Variants in INVS observed in about 807,000 individuals in gnomAD.
The protein encoded by INVS is inversin.
Under a neutral mutation model 108.8 loss-of-function variants are expected in INVS, and 86 were observed. That is an observed-to-expected ratio of 0.79 (90% confidence interval 0.66 to 0.95). The LOEUF is 0.95. INVS is among the 40% of genes least tolerant of loss of function. The probability of loss-of-function intolerance (pLI) is 0.00; values close to 1 mark genes in which losing one functional copy is unlikely to be tolerated. For synonymous variants in INVS, 455 were observed against 473.5 expected (o/e 0.96, Z 0.51); for missense variants, 1,169 against 1,297.4 (o/e 0.90, Z 1.52).
intron 12 of INVS, among the ~76,000 whole-genome samples, chr9:100,273,307 C>A (rs904582747): frequency 1.3e-5 from 2 of 151,902 alleles, no homozygotes; most frequent in African/African-American, 4.8e-5. Flanking sequence ...CTAGACTAGT[C>A]CCAATGTTTC....
intron 12 of INVS, among the ~76,000 whole-genome samples, chr9:100,280,318 C>T (rs1302065675): frequency 6.6e-6 from 1 of 152,200 alleles, no homozygotes; most frequent in Admixed American, 6.5e-5. Flanking sequence ...CCCTGTGGAG[C>T]ACAGGACCTG....
chr9:100,138,027 G>A (rs1828285885), intron 3 of INVS, among the ~76,000 whole-genome samples: 1 of 152,144 alleles, frequency 6.6e-6, no homozygotes. Flanking sequence ...TGTGTATAAA[G>A]TGCTTTATTT....
intron 3 of INVS, among the ~76,000 whole-genome samples, chr9:100,138,902 C>T (rs761155082): frequency 6.6e-6 from 1 of 151,816 alleles, no homozygotes; most frequent in African/African-American, 2.4e-5. Flanking sequence ...AGATGGGTTT[C>T]ACCATGTTGG....
intron 3 of INVS, among the ~76,000 whole-genome samples, chr9:100,223,731 G>A (rs1831220114): frequency 6.6e-6 from 1 of 152,238 alleles, no homozygotes; most frequent in Non-Finnish European, 1.5e-5. Context: ...ATCCAGCAGA[G>A]TCCGTTGGCT....
intron 3 of INVS, among the ~76,000 whole-genome samples, chr9:100,143,862 A>C (rs754177046): frequency 2.0e-5 from 3 of 152,084 alleles, no homozygotes; most frequent in Non-Finnish European, 4.4e-5. Context: ...TCGATTAAGA[A>C]GGGGACGGAC....
chr9:100,287,408 A>C (rs192544632), intron 13 of INVS, among the ~76,000 whole-genome samples: 187 of 152,360 alleles, frequency 1.2e-3, no homozygotes, highest in Non-Finnish European at 2.2e-3. Context: ...GTGCATACTA[A>C]GATGGGAGGA....
At chr9:100,104,650 G>A (rs1386534273) in intron 2 of INVS, 23 bp downstream of exon 2, 1 of 1,523,580 alleles carries the variant, frequency 6.6e-7, no homozygotes. Flanking sequence ...CTTAAGTACA[G>A]AAACTTTAAA....
intron 3 of INVS, among the ~76,000 whole-genome samples, chr9:100,180,249 C>T (rs1263294961): frequency 6.6e-6 from 1 of 150,970 alleles, no homozygotes; most frequent in African/African-American, 2.4e-5. Context: ...CAAGAGCAAA[C>T]AAATTCAGAA....
chr9:100,203,541 C>G (rs1283177145), intron 3 of INVS, among the ~76,000 whole-genome samples: 1 of 129,894 alleles, frequency 7.7e-6, no homozygotes, highest in Non-Finnish European at 1.6e-5. Flanking sequence ...CTCACTCTAT[C>G]ATCTAGGCTG....
At position 100,253,034 on chromosome 9, in the gene INVS, T is replaced by C; in HGVS notation, c.1362T>C (p.Tyr454=). Reference sequence around the variant, plus strand: ...AGATCAATCCAAATGTCCAGGATTATGCAGGAAGAACCCCTTTGCAGTGTG... The same window carrying C: ...AGATCAATCCAAATGTCCAGGATTACGCAGGAAGAACCCCTTTGCAGTGTG... ...ENKINPNVQD[Y]AGRTPLQCAA... Residue 454 remains tyrosine (Y), a synonymous_variant, in exon 10 of 17, where the codon TAT becomes TAC. Coordinates refer to ENST00000262457, the MANE Select transcript of INVS (RefSeq NM_014425.5). 6.2e-7 allele frequency: 1 copy of C among 1,614,040 alleles called. No individual in the cohort carries two copies. The highest frequency in any genetic ancestry group is 8.5e-7 in the Non-Finnish European group (1 of 1,179,912).
intron 10 of INVS, among the ~76,000 whole-genome samples, chr9:100,259,486 GTCT>G (rs1193701174): frequency 1.3e-5 from 2 of 151,322 alleles, no homozygotes; most frequent in East Asian, 1.9e-4. Flanking sequence ...GAAATCACCC[GTCT>G]TCTTCATCAC....
At chr9:100,251,801 A>AG (rs1832247743) in intron 8 of INVS, among the ~76,000 whole-genome samples, 1 of 152,228 alleles carries the variant, frequency 6.6e-6, no homozygotes, top group Non-Finnish European at 1.5e-5. Context: ...GGGGTACTTC[A>AG]GCCAACTGAA....
chr9:100,275,725 T>C (rs749966211), intron 12 of INVS, among the ~76,000 whole-genome samples: 1 of 152,224 alleles, frequency 6.6e-6, no homozygotes, highest in Non-Finnish European at 1.5e-5. Context: ...CTTATTAAAC[T>C]TAAGTAAAGT....
chr9:100,109,162 C>T (rs751946055), intron 2 of INVS, among the ~76,000 whole-genome samples: 3 of 152,112 alleles, frequency 2.0e-5, no homozygotes, highest in Non-Finnish European at 2.9e-5. Flanking sequence ...GTCAGATAAA[C>T]CTGAGTTTTA....
At chr9:100,154,609 C>T (rs1333504675) in intron 3 of INVS, among the ~76,000 whole-genome samples, 3 of 151,778 alleles carry the variant, frequency 2.0e-5, no homozygotes, top group African/African-American at 7.3e-5. Context: ...AAAAAGCAAG[C>T]GCAGAATATT....
chr9:100,198,593 C>T (rs1180480859), intron 3 of INVS, among the ~76,000 whole-genome samples: 1 of 150,444 alleles, frequency 6.6e-6, no homozygotes, highest in Non-Finnish European at 1.5e-5. Flanking sequence ...GCCACCGTCG[C>T]CTGGCATTTT....
chr9:100,101,307 A>G (rs1826983594), intron 1 of INVS: 1 of 151,900 alleles, frequency 6.6e-6, no homozygotes, highest in South Asian at 2.1e-4. Context: ...ACAGAAACCT[A>G]GAAAGCTGAC....
intron 2 of INVS, among the ~76,000 whole-genome samples, chr9:100,108,534 G>T (rs1371452512): frequency 6.6e-6 from 1 of 152,104 alleles, no homozygotes; most frequent in Admixed American, 6.5e-5. Context: ...TAATTTCAAT[G>T]TATTTTAAAC....
chr9:100,217,087 T>C (rs943515021), intron 3 of INVS, among the ~76,000 whole-genome samples: 3 of 152,094 alleles, frequency 2.0e-5, no homozygotes, highest in African/African-American at 7.2e-5. Flanking sequence ...GGTGAGTAGA[T>C]CACTTGAGGT....
Sources: gnomAD v4.1 joint callset for allele counts (sites outside exome capture counted in the v4.1 genomes callset) on GRCh38, gnomAD v4.1.1 for gene constraint, MANE v1.5 for transcripts, NCBI Gene and HGNC (gene_info 2026-07-23, HGNC 2026-07-21) for gene names.